Variants in STAG1 observed in about 807,000 individuals in gnomAD.
The protein encoded by STAG1 is STAG1 cohesin complex component, also known as cohesin subunit SA-1.
A neutral mutation model predicts 170.9 loss-of-function variants in STAG1; 26 were observed. That is an observed-to-expected ratio of 0.15 (90% CI 0.11 to 0.21). The LOEUF is 0.21. Ranked by LOEUF, STAG1 falls within the 10% of genes least tolerant of loss-of-function variation. The pLI is 1.00. For missense variants in STAG1, 964 were observed against 1,509.5 expected (o/e 0.64, Z 5.99); for synonymous variants, 514 against 497.7 (o/e 1.03, Z -0.44).
intron 5 of STAG1, among the ~76,000 whole-genome samples, chr3:136,560,351 T>G (rs1936792699): frequency 6.6e-6 from 1 of 152,216 alleles, no homozygotes; most frequent in Non-Finnish European, 1.5e-5. Flanking sequence ...TTAGTTATGT[T>G]TAAGTACATA....
intron 4 of STAG1, among the ~76,000 whole-genome samples, chr3:136,596,117 A>T (rs1016166760): frequency 6.6e-6 from 1 of 152,354 alleles, no homozygotes; most frequent in East Asian, 1.9e-4. Flanking sequence ...ACATAAATTT[A>T]TATGATAAAG....
chr3:136,576,501 A>G (rs897243271), intron 4 of STAG1, among the ~76,000 whole-genome samples: 2 of 152,248 alleles, frequency 1.3e-5, no homozygotes, highest in African/African-American at 4.8e-5. Context: ...GACATTTGCT[A>G]TAATTATGAT....
chr3:136,526,804 T>C (rs538399870), intron 6 of STAG1, among the ~76,000 whole-genome samples: 1 of 152,332 alleles, frequency 6.6e-6, no homozygotes, highest in East Asian at 1.9e-4. Context: ...ACAAAATCTC[T>C]TAGCATTTGT....
At chr3:136,713,398 C>T (rs908925336) in intron 1 of STAG1, among the ~76,000 whole-genome samples, 1 of 151,828 alleles carries the variant, frequency 6.6e-6, no homozygotes, top group Admixed American at 6.6e-5. Flanking sequence ...GTCTAACCAA[C>T]GTGGTAAAAT....
At chr3:136,643,534 A>C (rs953010311) in intron 1 of STAG1, among the ~76,000 whole-genome samples, 3 of 152,178 alleles carry the variant, frequency 2.0e-5, no homozygotes, top group African/African-American at 7.2e-5. Context: ...TTTGAGAAAG[A>C]GTCTGGCTCT....
chr3:136,535,677 A>C (rs1219330170), intron 6 of STAG1, among the ~76,000 whole-genome samples: 1 of 152,216 alleles, frequency 6.6e-6, no homozygotes, highest in African/African-American at 2.4e-5. Flanking sequence ...CAAACAAACA[A>C]GTAAACAAAC....
intron 10 of STAG1, among the ~76,000 whole-genome samples, chr3:136,476,150 T>C (rs1482733634): frequency 6.6e-6 from 1 of 152,184 alleles, no homozygotes; most frequent in African/African-American, 2.4e-5. Context: ...CCTTACTCCA[T>C]CCTTTGCTGA....
chr3:136,406,932 G>T (rs1467682547), intron 21 of STAG1, among the ~76,000 whole-genome samples: 1 of 152,094 alleles, frequency 6.6e-6, no homozygotes, highest in Non-Finnish European at 1.5e-5. Context: ...TTATTGTCAA[G>T]CTTACATATA....
intron 1 of STAG1, among the ~76,000 whole-genome samples, chr3:136,729,888 T>C (rs1933910923): frequency 7.6e-6 from 1 of 131,382 alleles, no homozygotes; most frequent in Non-Finnish European, 1.6e-5. Context: ...TTTTTTTTTT[T>C]TTTTTTTTTT....
intron 3 of STAG1, among the ~76,000 whole-genome samples, chr3:136,620,367 G>A (rs1163490926): frequency 6.6e-6 from 1 of 152,142 alleles, no homozygotes; most frequent in Non-Finnish European, 1.5e-5. Context: ...CCTGAGGCAG[G>A]ACTCCAATCT....
At position 136,581,786 on chromosome 3, in the gene STAG1, GAATACCATATATTAAA is replaced by G. The variant is rs1188617830; in HGVS notation, c.298-12941_298-12926del. On this transcript the variant is annotated intron_variant, in intron 4 of 33. Coordinates refer to ENST00000383202, the MANE Select transcript of STAG1 (RefSeq NM_005862.3). ...AATGAAAAAATGGAATTTTTTTATG[GAATACCATATATTAAA>G]AATTCACATATATTCAAGGAATATC... Among the ~76,000 whole-genome samples the G allele has an allele frequency of 2.0e-5, 3 of 151,966 alleles. No homozygotes were observed. In the East Asian group the frequency reaches 5.8e-4, roughly 29 times the overall value.
chr3:136,620,232 T>TA (rs142287204), intron 3 of STAG1, among the ~76,000 whole-genome samples: 53,032 of 151,808 alleles, frequency 0.35, 10,408 homozygotes, highest in African/African-American at 0.52. Context: ...GGATTAAACT[T>TA]AAAAAAAGAA....
At chr3:136,614,160 G>A (rs189811994) in intron 3 of STAG1, among the ~76,000 whole-genome samples, 13 of 152,270 alleles carry the variant, frequency 8.5e-5, no homozygotes, top group Admixed American at 4.6e-4. Context: ...AGGTTGCAGT[G>A]AGCCAAGATT....
chr3:136,573,568 A>G (rs1467116424), intron 4 of STAG1, among the ~76,000 whole-genome samples: 1 of 151,956 alleles, frequency 6.6e-6, no homozygotes, highest in Non-Finnish European at 1.5e-5. Flanking sequence ...TTAACTGGCC[A>G]AAAAAAATAT....
At chr3:136,343,612 G>A (rs1936090718) in intron 30 of STAG1, among the ~76,000 whole-genome samples, 1 of 152,170 alleles carries the variant, frequency 6.6e-6, no homozygotes, top group Non-Finnish European at 1.5e-5. Context: ...CACCTGGTGA[G>A]ACACCGTACA....
Position 136,539,768 on chromosome 3 carries a change from A to C in STAG1, c.471+2351T>G, listed in dbSNP as rs1935801612. The stretch of plus-strand genomic sequence containing the variant: ...AAAGCACTGCTATGTGCAGGTTTAT[A>C]GGTATTTTAAAAAGATTATTAACCA... On this transcript the variant is annotated intron_variant, in intron 6 of 33. Transcript: ENST00000383202. Among the ~76,000 whole-genome samples the C allele has an allele frequency of 2.6e-5, 4 of 152,206 alleles. No individual in the cohort carries two copies. The South Asian group carries it at 8.3e-4, about 31-fold the overall frequency.
intron 21 of STAG1, among the ~76,000 whole-genome samples, chr3:136,401,800 T>A (rs768004887): frequency 9.2e-5 from 14 of 152,196 alleles, no homozygotes; most frequent in Non-Finnish European, 1.9e-4. Flanking sequence ...TTTTTTGAGA[T>A]CAAGTCTTGC....
intron 1 of STAG1, among the ~76,000 whole-genome samples, chr3:136,719,936 G>C (rs879753892): frequency 2.0e-5 from 3 of 152,030 alleles, no homozygotes. Flanking sequence ...CAGCACTTTC[G>C]GAGGCCAAGG....
chr3:136,696,446 G>C (rs1052906009), intron 1 of STAG1, among the ~76,000 whole-genome samples: 12 of 152,160 alleles, frequency 7.9e-5, no homozygotes, highest in African/African-American at 2.7e-4. Flanking sequence ...AACAGTGTAT[G>C]ATTCTATAAT....
Sources: allele counts gnomAD v4.1 joint callset (sites outside exome capture counted in the v4.1 genomes callset), GRCh38; gene constraint gnomAD v4.1.1; transcripts MANE v1.5; gene names NCBI Gene and HGNC (gene_info 2026-07-23, HGNC 2026-07-21).